Variants in PLEKHA7 observed in about 807,000 individuals in gnomAD.
PLEKHA7 encodes the protein pleckstrin homology domain-containing family A member 7.
PLEKHA7 carries 104 observed loss-of-function variants against 170.0 expected under a neutral mutation model. The ratio of observed to expected loss-of-function variants is 0.61; its 90% CI spans 0.52 to 0.72. The LOEUF is 0.72. Ranked by LOEUF, PLEKHA7 falls within the 30% of genes least tolerant of loss-of-function variation. The pLI, the probability that PLEKHA7 is intolerant of heterozygous loss-of-function variation, is 0.00. For synonymous variants in PLEKHA7, 648 were observed against 660.8 expected (o/e 0.98, Z 0.30); for missense variants, 1,615 against 1,671.7 (o/e 0.97, Z 0.59).
At chr11:16,970,450 A>G (rs756862934) in intron 3 of PLEKHA7, among the ~76,000 whole-genome samples, 5 of 152,150 alleles carry the variant, frequency 3.3e-5, no homozygotes, top group African/African-American at 7.2e-5. Flanking sequence ...GCTTCAGTCC[A>G]GGAGTTTAAG....
Position 17,009,330 on chromosome 11 carries a change from A to G in PLEKHA7, c.221+4659T>C, listed in dbSNP as rs984971933. ...TAAGGATCAAATAAGAAAAGACACA[A>G]GAAAAAAAACCATCTGCTATAGGAA... On this transcript the variant is annotated intron_variant, in intron 3 of 26. Transcript: ENST00000531066. Among the ~76,000 whole-genome samples, 3 of 152,168 alleles carry G rather than the reference A, an allele frequency of 2.0e-5. No homozygotes were observed. The East Asian group carries it at 5.8e-4, about 29-fold the overall frequency.
intron 3 of PLEKHA7, among the ~76,000 whole-genome samples, chr11:16,885,839 C>A (rs1157008208): frequency 1.3e-5 from 2 of 150,872 alleles, no homozygotes; most frequent in Non-Finnish European, 3.0e-5. Flanking sequence ...ACTAAAAATA[C>A]AAAAAAAATT....
At chr11:16,891,069 T>TCTCTATTCTATTCTATTCTA (rs1450125515) in intron 3 of PLEKHA7, among the ~76,000 whole-genome samples, 1 of 45,064 alleles carries the variant, frequency 2.2e-5, no homozygotes, top group Non-Finnish European at 8.8e-5. Flanking sequence ...AGACTATTAT[T>TCTCTATTCTATTCTATTCTA]CTCTATTCTA....
Position 16,789,317 on chromosome 11 carries a change from A to C in PLEKHA7, c.3157-21T>G. ...GGTCTCTGAGGAAGAGGAGGCAGGCAAGAGAGACACAGAACAGCTGGGCTG... is the reference window on the plus strand; with the variant it reads ...GGTCTCTGAGGAAGAGGAGGCAGGCCAGAGAGACACAGAACAGCTGGGCTG... On this transcript the variant is annotated intron_variant, in intron 22 of 26. Coordinates refer to ENST00000531066, the MANE Select transcript of PLEKHA7 (RefSeq NM_001329630.2). This position sits in a 1 kb window ranked among gnomAD's most constrained non-coding sequence, Gnocchi z 4.6. The C allele has an allele frequency of 6.2e-7, 1 of 1,610,590 alleles. No individual in the cohort carries two copies. The highest frequency in any genetic ancestry group is 1.1e-5 in the South Asian group (1 of 91,048).
At chr11:16,801,214 AGAG>A (rs1848576411) in intron 16 of PLEKHA7, 139 bp from the exon 17 acceptor site, 2 of 741,014 alleles carry the variant, frequency 2.7e-6, no homozygotes, top group African/African-American at 1.7e-5. Flanking sequence ...TGGGAGAGAG[AGAG>A]GAGCAGGAAA....
chr11:16,852,146 A>G (rs1853023275), intron 7 of PLEKHA7, 137 bp downstream of exon 7: 1 of 692,254 alleles, frequency 1.4e-6, no homozygotes, highest in Non-Finnish European at 2.4e-6. Context: ...CCTTAGTAGC[A>G]GGCAAACTGG....
intron 3 of PLEKHA7, among the ~76,000 whole-genome samples, chr11:16,938,813 A>G (rs1860487778): frequency 6.6e-6 from 1 of 152,212 alleles, no homozygotes; most frequent in Non-Finnish European, 1.5e-5. Flanking sequence ...AAACAACAAC[A>G]ACAATGTTCC....
At chr11:16,986,418 G>A (rs79506407) in intron 3 of PLEKHA7, among the ~76,000 whole-genome samples, 4,875 of 152,174 alleles carry the variant, frequency 0.032, 243 homozygotes, top group East Asian at 0.14. Context: ...CACATTTTGA[G>A]TACATAAGAA....
At chr11:16,858,926 C>T (rs1306794059) in intron 4 of PLEKHA7, among the ~76,000 whole-genome samples, 2 of 152,190 alleles carry the variant, frequency 1.3e-5, no homozygotes, top group African/African-American at 2.4e-5. Context: ...GGGATGCTAG[C>T]TGGCTGGACA....
intron 26 of PLEKHA7, among the ~76,000 whole-genome samples, chr11:16,780,632 G>A (rs61734130): frequency 0.016 from 2,384 of 152,280 alleles, 60 homozygotes; most frequent in African/African-American, 0.052. Context: ...ACTGGTTCTC[G>A]GGCATCAGGG....
intron 3 of PLEKHA7, among the ~76,000 whole-genome samples, chr11:16,935,575 T>A (rs1249241288): frequency 6.6e-6 from 1 of 152,200 alleles, no homozygotes; most frequent in Non-Finnish European, 1.5e-5. Context: ...TTTGGAGACA[T>A]AAAAGTTATT....
At chr11:16,809,542 C>A (rs1016875466) in intron 13 of PLEKHA7, among the ~76,000 whole-genome samples, 1 of 152,212 alleles carries the variant, frequency 6.6e-6, no homozygotes, top group African/African-American at 2.4e-5. Context: ...CATTTCCATG[C>A]CCAGAATGGT....
chr11:16,948,826 T>C (rs911194348), intron 3 of PLEKHA7, among the ~76,000 whole-genome samples: 2 of 152,322 alleles, frequency 1.3e-5, no homozygotes, highest in South Asian at 2.1e-4. Flanking sequence ...CACAGCCACC[T>C]CCGTGAAGCC....
intron 3 of PLEKHA7, among the ~76,000 whole-genome samples, chr11:16,948,176 G>A (rs1861166904): frequency 6.6e-6 from 1 of 152,228 alleles, no homozygotes; most frequent in African/African-American, 2.4e-5. Flanking sequence ...GGCTGGGGTG[G>A]GTGGAGGGGT....
chr11:16,903,105 C>T (rs185382965), intron 3 of PLEKHA7, among the ~76,000 whole-genome samples: 5 of 152,326 alleles, frequency 3.3e-5, no homozygotes, highest in Admixed American at 2.6e-4. Flanking sequence ...GAGCCTACTC[C>T]TGCACCCTTC....
In PLEKHA7 at chr11:16,794,497, C is replaced by T. The variant is rs1848074425; in HGVS notation, c.2736G>A (p.Lys912=). The T allele has an allele frequency of 6.2e-7, 1 of 1,613,476 alleles. No homozygotes were observed. Among genetic ancestry groups the T allele is most frequent in the Admixed American group, 1.7e-5 (1 of 59,996 alleles). The part of the protein sequence containing the change: ...TSPLQSPTKA[K]PKVEDEAPPR... Reference sequence around the variant, plus strand: ...AGTTATCACTACTTACAACTTTGGGCTTCGCCTTAGTTGGTGACTGAAGGG... The same window carrying T: ...AGTTATCACTACTTACAACTTTGGGTTTCGCCTTAGTTGGTGACTGAAGGG... Residue 912 remains lysine, a synonymous_variant, in exon 19 of 27, where the codon AAG becomes AAA. Coordinates refer to ENST00000531066, the MANE Select transcript of PLEKHA7 (RefSeq NM_001329630.2).
intron 8 of PLEKHA7, among the ~76,000 whole-genome samples, chr11:16,847,258 A>G (rs406109): frequency 0.1 from 15,923 of 151,720 alleles, 904 homozygotes; most frequent in East Asian, 0.16. Context: ...CACCACACCC[A>G]GCAAATTGTA....
At chr11:16,993,381 G>A (rs989812990) in intron 3 of PLEKHA7, among the ~76,000 whole-genome samples, 79 of 152,220 alleles carry the variant, frequency 5.2e-4, no homozygotes, top group African/African-American at 1.9e-3. Flanking sequence ...AAAAGTCCCT[G>A]GCAGTTTTAA....
rs1860179766 is a variant in PLEKHA7, at chr11:16,934,894, G to A, written c.222-63712C>T. Reference sequence around the variant, plus strand: ...TTTTTATCTCTTACAGTAAAAAAAAGAGTCTGGTTATAATTAGCACCTGTA... The same window carrying A: ...TTTTTATCTCTTACAGTAAAAAAAAAAGTCTGGTTATAATTAGCACCTGTA... On this transcript the variant is annotated intron_variant, in intron 3 of 26. Coordinates refer to ENST00000531066, the MANE Select transcript of PLEKHA7 (RefSeq NM_001329630.2). 2.0e-5 allele frequency among the ~76,000 whole-genome samples: 3 copies of A among 152,262 alleles called. No individual in the cohort carries two copies. In the South Asian group the frequency reaches 6.2e-4, roughly 32 times the overall value.
Sources: allele counts gnomAD v4.1 joint callset (sites outside exome capture counted in the v4.1 genomes callset), GRCh38; gene constraint gnomAD v4.1.1; non-coding constraint Gnocchi (gnomAD v3.1); transcripts MANE v1.5; gene names NCBI Gene and HGNC (gene_info 2026-07-23, HGNC 2026-07-21).